The following FBXO16 variants were observed in gnomAD, a reference collection of about 807,000 sequenced individuals.
FBXO16 encodes the protein F-box only protein 16.
In FBXO16, 31 loss-of-function variants were observed where a neutral mutation model predicts 41.0. The observed-to-expected ratio is 0.76, with a 90% confidence interval of 0.57 to 1.02. The LOEUF (loss-of-function observed/expected upper bound fraction) is 1.02. Among genes scored for constraint, FBXO16 ranks in the 50% least tolerant of loss-of-function variants. The pLI is 0.00. For missense variants in FBXO16, 361 were observed against 346.2 expected, an observed-to-expected ratio of 1.04 and a Z score of -0.34; for synonymous variants, 133 against 117.8, an observed-to-expected ratio of 1.13 and a Z score of -0.84.
chr8:28,458,395 AGTTT>A lies in FBXO16; in HGVS notation c.343-1469_343-1466del, dbSNP rs376835659. Among the ~76,000 whole-genome samples the A allele has an allele frequency of 1.2e-4, 19 of 152,326 alleles. 1 individual carries two copies. The highest frequency in any genetic ancestry group is 3.8e-4 in the African/African-American group (16 of 41,580). On this transcript the variant is annotated intron_variant, in intron 4 of 8. Transcript: ENST00000380254. ...GCAGGCAGCAACAGAAATCACATTT[AGTTT>A]GTTTGACCCAGAAACGAAACAACAC...
At chr8:28,430,697 C>T (rs994257879) in intron 7 of FBXO16, among the ~76,000 whole-genome samples, 4 of 152,130 alleles carry the variant, frequency 2.6e-5, no homozygotes, top group African/African-American at 7.2e-5. Context: ...AATGGCCAGG[C>T]GCAGTGGCTC....
intron 3 of FBXO16, among the ~76,000 whole-genome samples, chr8:28,464,586 G>C (rs1326355233): frequency 6.6e-6 from 1 of 152,196 alleles, no homozygotes; most frequent in Non-Finnish European, 1.5e-5. Flanking sequence ...AGAGAAAATA[G>C]GGAAGTTTGA....
chr8:28,461,527 T>C (rs1183098146), intron 4 of FBXO16, among the ~76,000 whole-genome samples: 5 of 151,772 alleles, frequency 3.3e-5, no homozygotes, highest in Non-Finnish European at 7.4e-5. Flanking sequence ...GTTCATTTCC[T>C]TTGCTCATTT....
rs372114412 is a variant in FBXO16 at position 28,452,386 on chromosome 8, G to T, written c.598C>A (p.Arg200=). ...EEKQSPLSAF[R]SSSSLRKKNN... ...TTCTTTCTTAAAGAGGAAGAGGACC[G>T]AAAAGCTGATAAAGGGGACTGTTTT... The change falls in exon 6 of 9, where the codon CGG becomes AGG. Residue 200 remains arginine (R), a synonymous_variant. Coordinates refer to ENST00000380254, the MANE Select transcript of FBXO16 (RefSeq NM_172366.4). 5.6e-6 allele frequency: 9 copies of T among 1,614,104 alleles called. No homozygotes were observed. In the Admixed American group the frequency reaches 1.2e-4, roughly 21 times the overall value.
rs61182617 is a variant in FBXO16, at chr8:28,481,678, T to C, written c.99+1670A>G. Among the ~76,000 whole-genome samples, 628 of 152,004 alleles carry C rather than the reference T, an allele frequency of 4.1e-3. 3 individuals carry two copies. Among genetic ancestry groups the C allele is most frequent in the African/African-American group, 0.015 (607 of 41,436 alleles). On this transcript the variant is annotated intron_variant, in intron 2 of 8. Coordinates refer to ENST00000380254, the MANE Select transcript of FBXO16 (RefSeq NM_172366.4). ...TACAAAAATCAGCTGGGTGTGGTAG[T>C]GTGCGCCTGTAGTCCCAGCTACTCA...
At chr8:28,433,956 ATTTTT>A (rs773888558) in intron 7 of FBXO16, among the ~76,000 whole-genome samples, 2 of 118,296 alleles carry the variant, frequency 1.7e-5, no homozygotes, top group East Asian at 2.4e-4. Flanking sequence ...TCACTCCCTG[ATTTTT>A]TTTTTTTTTT....
At position 28,456,783 on chromosome 8, in the gene FBXO16, GA is replaced by G. The variant is rs1803045441; in HGVS notation, c.489del (p.His164IlefsTer14). On this transcript the variant is annotated frameshift_variant, in exon 5 of 9. Coordinates refer to ENST00000380254, the MANE Select transcript of FBXO16 (RefSeq NM_172366.4). LOFTEE classifies it high-confidence loss of function. ...KKHYIQMVKE[L>X]HITKPKTPPK... ...AAATTCACCTTAGGCTTGGTAATAT[GA>G]AGTTCTTTCACCATTTGAATATAGT... The G allele has an allele frequency of 1.2e-6, 2 of 1,614,022 alleles. No homozygotes were observed. The highest frequency in any genetic ancestry group is 2.7e-5 in the African/African-American group (2 of 75,050).
chr8:28,434,482 C>T (rs1344217203), intron 7 of FBXO16, among the ~76,000 whole-genome samples: 1 of 152,226 alleles, frequency 6.6e-6, no homozygotes, highest in African/African-American at 2.4e-5. Flanking sequence ...ACAGTAATAA[C>T]TGCAAATACC....
At chr8:28,443,023 C>CTTT (rs61693872) in intron 7 of FBXO16, among the ~76,000 whole-genome samples, 1 of 143,118 alleles carries the variant, frequency 7.0e-6, no homozygotes, top group African/African-American at 2.6e-5. Flanking sequence ...ATTACTTGTA[C>CTTT]TTTTTTTTTT....
intron 3 of FBXO16, among the ~76,000 whole-genome samples, chr8:28,464,442 A>G (rs1803198974): frequency 6.6e-6 from 1 of 152,184 alleles, no homozygotes; most frequent in Admixed American, 6.5e-5. Context: ...ACAACACCCA[A>G]GATCAGGGAA....
intron 2 of FBXO16, among the ~76,000 whole-genome samples, chr8:28,477,305 C>G (rs111542705): frequency 2.6e-5 from 4 of 152,284 alleles, no homozygotes; most frequent in African/African-American, 9.6e-5. Flanking sequence ...TCATTGGTGA[C>G]AAATGCCCTC....
At chr8:28,464,030 A>C (rs1428875151) in intron 3 of FBXO16, among the ~76,000 whole-genome samples, 1 of 152,208 alleles carries the variant, frequency 6.6e-6, no homozygotes, top group African/African-American at 2.4e-5. Context: ...CGCACACAGA[A>C]GTGCATGTGA....
At chr8:28,432,433 C>G (rs1026284596) in intron 7 of FBXO16, among the ~76,000 whole-genome samples, 2 of 151,902 alleles carry the variant, frequency 1.3e-5, no homozygotes, top group African/African-American at 4.8e-5. Flanking sequence ...AAGATTGCAC[C>G]ACTGCACTCC....
chr8:28,433,558 T>C (rs190310260), intron 7 of FBXO16, among the ~76,000 whole-genome samples: 9 of 152,348 alleles, frequency 5.9e-5, no homozygotes, highest in South Asian at 2.1e-4. Flanking sequence ...CCCGGGACTT[T>C]TCCCTTCCTG....
chr8:28,439,781 C>G (rs889426369), intron 7 of FBXO16, among the ~76,000 whole-genome samples: 5 of 151,870 alleles, frequency 3.3e-5, no homozygotes, highest in Admixed American at 6.6e-5. Context: ...TTAAAAAACC[C>G]CCAACACCTG....
chr8:28,482,221 C>A (rs572772499), intron 2 of FBXO16, among the ~76,000 whole-genome samples: 2 of 152,272 alleles, frequency 1.3e-5, no homozygotes, highest in East Asian at 3.9e-4. Flanking sequence ...GGGGGAAAAT[C>A]AAATCCCAGA....
intron 2 of FBXO16, among the ~76,000 whole-genome samples, chr8:28,479,527 A>G (rs6993584): frequency 0.75 from 113,809 of 152,104 alleles, 43,565 homozygotes; most frequent in African/African-American, 0.92. Flanking sequence ...TAATTAACGC[A>G]TATTTGAATT....
At chr8:28,457,715 T>C (rs1439714497) in intron 4 of FBXO16, among the ~76,000 whole-genome samples, 1 of 152,218 alleles carries the variant, frequency 6.6e-6, no homozygotes, top group Admixed American at 6.5e-5. Context: ...AGAAGAGACA[T>C]AGGTGGGGAC....
At chr8:28,464,062 G>A (rs73668483) in intron 3 of FBXO16, among the ~76,000 whole-genome samples, 6,496 of 152,236 alleles carry the variant, frequency 0.043, 451 homozygotes, top group African/African-American at 0.15. Flanking sequence ...GCAGTCACAT[G>A]TGAACAATAA....
Sources: gnomAD v4.1 joint callset for allele counts (sites outside exome capture counted in the v4.1 genomes callset) on GRCh38, gnomAD v4.1.1 for gene constraint, MANE v1.5 for transcripts, NCBI Gene and HGNC (gene_info 2026-07-23, HGNC 2026-07-21) for gene names.